LHFPL3: variants seen among roughly 807,000 people sequenced by gnomAD.
LHFPL3 encodes the protein LHFPL tetraspan subfamily member 3 protein.
Under a neutral mutation model 19.3 loss-of-function variants are expected in LHFPL3, and 5 were observed. The observed-to-expected ratio is 0.26, with a 90% CI of 0.14 to 0.54. The LOEUF is 0.54. Ranked by LOEUF, LHFPL3 falls within the 20% of genes least tolerant of loss-of-function variation. The pLI is 0.94. For synonymous variants in LHFPL3, 133 were observed against 126.2 expected (o/e 1.05, Z -0.36); for missense variants, 249 against 307.4 (o/e 0.81, Z 1.42).
chr7:104,499,242 T>A (rs1169027403), intron 1 of LHFPL3, among the ~76,000 whole-genome samples: 1 of 152,228 alleles, frequency 6.6e-6, no homozygotes, highest in Non-Finnish European at 1.5e-5. Flanking sequence ...TGGGTAATGT[T>A]AGAAACACCA....
chr7:104,580,721 T>C (rs1000104372), intron 1 of LHFPL3, among the ~76,000 whole-genome samples: 2 of 152,044 alleles, frequency 1.3e-5, no homozygotes, highest in Non-Finnish European at 2.9e-5. Flanking sequence ...ACCCCTACCC[T>C]CAGCAACTTG....
intron 1 of LHFPL3, among the ~76,000 whole-genome samples, chr7:104,732,681 G>A (rs6969299): frequency 0.3 from 45,102 of 151,830 alleles, 7,415 homozygotes; most frequent in East Asian, 0.67. Flanking sequence ...ACCAGCTCCT[G>A]GATTCATTGA....
At chr7:104,723,637 G>A (rs547657839) in intron 1 of LHFPL3, among the ~76,000 whole-genome samples, 4 of 144,706 alleles carry the variant, frequency 2.8e-5, no homozygotes, top group South Asian at 2.2e-4. Flanking sequence ...CAGGAGAATC[G>A]CTTGAACCCG....
chr7:104,397,666 G>C (rs140921942), intron 1 of LHFPL3, among the ~76,000 whole-genome samples: 1,768 of 152,186 alleles, frequency 0.012, 13 homozygotes, highest in Middle Eastern at 0.024. Context: ...TTACTCTCCA[G>C]CAGCCCGCTT....
chr7:104,754,819 GAATCTCTC>G (rs1278447437), intron 2 of LHFPL3, among the ~76,000 whole-genome samples: 1 of 152,136 alleles, frequency 6.6e-6, no homozygotes, highest in Non-Finnish European at 1.5e-5. Context: ...TTTCCCATAG[GAATCTCTC>G]AGATGGCATC....
chr7:104,439,616 G>A (rs1261238211), intron 1 of LHFPL3, among the ~76,000 whole-genome samples: 1 of 152,062 alleles, frequency 6.6e-6, no homozygotes. Context: ...GATGCAGAAA[G>A]AGCATATGAC....
chr7:104,677,670 C>G lies in LHFPL3; in HGVS notation c.446-59005C>G, dbSNP rs139065659. On this transcript the variant is annotated intron_variant, in intron 1 of 2. Coordinates refer to ENST00000424859, the MANE Select transcript of LHFPL3 (RefSeq NM_199000.3). ...CAGTCCTGTCCGCTGGAACTTTCTG[C>G]AATGATGGAAGTGTTCCGTATCTAT... Among the ~76,000 whole-genome samples the G allele has an allele frequency of 1.9e-3, 282 of 152,290 alleles. 2 individuals are homozygous for G. In the East Asian group the frequency reaches 0.029, roughly 16 times the overall value.
At chr7:104,684,401 T>A (rs1792767962) in intron 1 of LHFPL3, among the ~76,000 whole-genome samples, 1 of 152,248 alleles carries the variant, frequency 6.6e-6, no homozygotes, top group East Asian at 1.9e-4. Context: ...AGATGACTGT[T>A]GCAACTGCTC....
At chr7:104,462,002 A>G (rs1030045738) in intron 1 of LHFPL3, among the ~76,000 whole-genome samples, 3 of 151,762 alleles carry the variant, frequency 2.0e-5, no homozygotes, top group African/African-American at 7.3e-5. Flanking sequence ...GTATTTTATT[A>G]TTTTCATGGC....
intron 2 of LHFPL3, among the ~76,000 whole-genome samples, chr7:104,866,147 C>T (rs1562819366): frequency 6.6e-6 from 1 of 152,130 alleles, no homozygotes; most frequent in Non-Finnish European, 1.5e-5. Flanking sequence ...ACCATCAATG[C>T]TAGGAAGAAA....
intron 1 of LHFPL3, among the ~76,000 whole-genome samples, chr7:104,430,255 G>C (rs1791932924): frequency 1.3e-5 from 2 of 149,256 alleles, no homozygotes. Flanking sequence ...ACCAGAGTAG[G>C]AAAGTATGGA....
intron 1 of LHFPL3, among the ~76,000 whole-genome samples, chr7:104,579,935 C>T (rs1042401753): frequency 2.6e-5 from 4 of 152,176 alleles, no homozygotes; most frequent in African/African-American, 9.7e-5. Context: ...CTTAAGTCTC[C>T]TTGCTGGTTG....
At chr7:104,824,643 T>TAAA in intron 2 of LHFPL3, among the ~76,000 whole-genome samples, 1 of 87,162 alleles carries the variant, frequency 1.1e-5, no homozygotes, top group African/African-American at 4.8e-5. Flanking sequence ...TTATTTTATA[T>TAAA]ATTATATATA....
chr7:104,487,879 T>C (rs963337913), intron 1 of LHFPL3, among the ~76,000 whole-genome samples: 1 of 152,202 alleles, frequency 6.6e-6, no homozygotes, highest in African/African-American at 2.4e-5. Flanking sequence ...GGTTCCTATA[T>C]GTAGGGAGGG....
At chr7:104,807,029 G>A (rs974742347) in intron 2 of LHFPL3, among the ~76,000 whole-genome samples, 4 of 150,840 alleles carry the variant, frequency 2.7e-5, no homozygotes, top group African/African-American at 9.7e-5. Context: ...GTGTGTGTGT[G>A]TGTGTGTGTG....
intron 2 of LHFPL3, among the ~76,000 whole-genome samples, chr7:104,833,002 A>ATATATATATATTATATATAATATATATAT (rs1790988672): frequency 9.1e-5 from 4 of 44,116 alleles, no homozygotes; most frequent in Non-Finnish European, 1.7e-4. Context: ...CATATATATT[A>ATATATATATATTATATATAATATATATAT]TATATATATA....
rs201868778 is a variant in LHFPL3 at position 104,458,212 on chromosome 7, A to T, written c.445+128988A>T. Among the ~76,000 whole-genome samples the T allele has an allele frequency of 3.3e-5, 5 of 151,832 alleles. No individual in the cohort carries two copies. The South Asian group carries it at 6.2e-4, about 19-fold the overall frequency. ...GCCCATGCCTATGTCCTGAATGGTA[A>T]TGCCTAGGTTTTCTTCTAGGGTTTT... is the stretch of plus-strand genomic sequence containing the variant. On this transcript the variant is annotated intron_variant, in intron 1 of 2. Transcript: ENST00000424859.
intron 1 of LHFPL3, among the ~76,000 whole-genome samples, chr7:104,424,226 G>C (rs1584310239): frequency 6.6e-6 from 1 of 152,138 alleles, no homozygotes; most frequent in Non-Finnish European, 1.5e-5. Context: ...TTGGTTTTCT[G>C]ATTGACTTGT....
chr7:104,751,321 A>T (rs953333998), intron 2 of LHFPL3, among the ~76,000 whole-genome samples: 1 of 151,670 alleles, frequency 6.6e-6, no homozygotes, highest in Non-Finnish European at 1.5e-5. Flanking sequence ...TTGCCACAAA[A>T]TCAGGGTAGG....
Sources: gnomAD v4.1 joint callset for allele counts (sites outside exome capture counted in the v4.1 genomes callset) on GRCh38, gnomAD v4.1.1 for gene constraint, MANE v1.5 for transcripts, NCBI Gene and HGNC (gene_info 2026-07-23, HGNC 2026-07-21) for gene names.